PLEKHO2: variants seen among roughly 807,000 people sequenced by gnomAD.
The protein encoded by PLEKHO2 is pleckstrin homology domain-containing family O member 2.
In PLEKHO2, 20 loss-of-function variants were observed where a neutral mutation model predicts 32.7. The observed-to-expected ratio is 0.61, with a 90% CI of 0.43 to 0.89. PLEKHO2 has a LOEUF of 0.89. PLEKHO2 is among the 40% of genes least tolerant of loss of function. The pLI is 0.00. For synonymous variants in PLEKHO2, 247 were observed against 246.3 expected (o/e 1.00, Z -0.03); for missense variants, 568 against 621.2 (o/e 0.91, Z 0.91).
intron 1 of PLEKHO2, among the ~76,000 whole-genome samples, chr15:64,847,751 CAG>C (rs1270197781): frequency 2.6e-5 from 4 of 152,204 alleles, no homozygotes; most frequent in African/African-American, 9.6e-5. Context: ...TGGTCAAAGA[CAG>C]AGTCCTTGGA....
rs1407043227 is a variant in PLEKHO2 at position 64,866,365 on chromosome 15, C to T, written c.*477C>T. On this transcript the variant is annotated 3_prime_UTR_variant, in exon 6 of 6. Transcript: ENST00000323544. ...GGCTAAGGCAGCCTCAAAGCCAGCC[C>T]CTCCTCCCACCTATTCTGAGTAGCT... 4.4e-6 allele frequency: 2 copies of T among 456,678 alleles called. No homozygotes were observed. The highest frequency in any genetic ancestry group is 8.8e-6 in the Non-Finnish European group (2 of 227,334). The allele number at this position is 456,678 out of a possible 1,614,324, so 28.3% of individuals were successfully genotyped here.
In PLEKHO2 at chr15:64,866,026, A is replaced by G. The variant is rs989029911; in HGVS notation, c.*138A>G. The G allele has an allele frequency of 1.8e-6, 2 of 1,121,612 alleles. No homozygotes were observed. Among genetic ancestry groups the G allele is most frequent in the African/African-American group, 1.6e-5 (1 of 63,554 alleles). The allele number at this position is 1,121,612 out of a possible 1,614,324, so 69.5% of individuals were successfully genotyped here. A position where few individuals can be genotyped will look rare whatever the true frequency, so the allele number is the denominator to read the frequency against. ...TTGGGCATGTCAGGGTTTGGCCATGACCCGAAGAGACTCCTGGCGTCCTTC... is the reference window on the plus strand; with the variant it reads ...TTGGGCATGTCAGGGTTTGGCCATGGCCCGAAGAGACTCCTGGCGTCCTTC... On this transcript the variant is annotated 3_prime_UTR_variant, in exon 6 of 6. Coordinates refer to ENST00000323544, the MANE Select transcript of PLEKHO2 (RefSeq NM_025201.5).
chr15:64,848,829 G>T, intron 2 of PLEKHO2, 87 bp downstream of exon 2: 2 of 1,538,454 alleles, frequency 1.3e-6, no homozygotes, highest in Non-Finnish European at 1.8e-6. Flanking sequence ...CCCTGGGTCT[G>T]GGGCCAGAAG....
chr15:64,855,148 C>T (rs970844316), intron 3 of PLEKHO2, 111 bp downstream of exon 3: 7 of 808,964 alleles, frequency 8.7e-6, no homozygotes, highest in East Asian at 2.7e-5. Flanking sequence ...TTTTCCGTTG[C>T]GTGTGGCTGA....
At chr15:64,862,114 C>T (rs1360826824) in intron 5 of PLEKHO2, among the ~76,000 whole-genome samples, 3 of 151,834 alleles carry the variant, frequency 2.0e-5, no homozygotes, top group African/African-American at 4.8e-5. Flanking sequence ...TTGAGGTATG[C>T]GGAGCAGCTC....
chr15:64,862,096 G>A (rs141882660), intron 5 of PLEKHO2, among the ~76,000 whole-genome samples: 26 of 152,230 alleles, frequency 1.7e-4, no homozygotes, highest in Non-Finnish European at 3.4e-4. Context: ...GAGGCACAGC[G>A]GGAGGGTTTG....
At chr15:64,844,945 C>T (rs918466476) in intron 1 of PLEKHO2, among the ~76,000 whole-genome samples, 34 of 152,212 alleles carry the variant, frequency 2.2e-4, no homozygotes, top group Non-Finnish European at 1.3e-4. Flanking sequence ...TCTTATACAG[C>T]GTCTCTGTTA....
intron 1 of PLEKHO2, among the ~76,000 whole-genome samples, chr15:64,845,504 A>G (rs2084515737): frequency 6.6e-6 from 1 of 151,446 alleles, no homozygotes. Context: ...TCTGAGGGGC[A>G]GGGAAGGGGG....
chr15:64,863,885 A>G (rs2084663208), intron 5 of PLEKHO2, among the ~76,000 whole-genome samples: 1 of 148,272 alleles, frequency 6.7e-6, no homozygotes, highest in Admixed American at 6.7e-5. Context: ...CTGGGATTAC[A>G]GGCATGTGCC....
intron 1 of PLEKHO2, 32 bp downstream of exon 1, chr15:64,842,060 G>T (rs2084487892): frequency 1.2e-5 from 15 of 1,235,048 alleles, no homozygotes; most frequent in Non-Finnish European, 1.3e-5. Flanking sequence ...GCGTTGGGCT[G>T]GGGTCCTCGA....
chr15:64,856,463 T>G (rs1258858814), intron 3 of PLEKHO2, among the ~76,000 whole-genome samples: 1 of 152,132 alleles, frequency 6.6e-6, no homozygotes, highest in East Asian at 1.9e-4. Context: ...TGCTGTTCTG[T>G]GGGCCATCTC....
intron 2 of PLEKHO2, among the ~76,000 whole-genome samples, chr15:64,854,536 A>G (rs1329430612): frequency 6.6e-6 from 1 of 152,152 alleles, no homozygotes; most frequent in Non-Finnish European, 1.5e-5. Context: ...CCTGCCTGCC[A>G]TTTTGTGGCA....
chr15:64,858,250 A>G (rs1176789876), intron 3 of PLEKHO2, among the ~76,000 whole-genome samples: 1 of 152,164 alleles, frequency 6.6e-6, no homozygotes, highest in Non-Finnish European at 1.5e-5. Flanking sequence ...TGTGCCTGGC[A>G]TGGTGGGGGT....
At chr15:64,861,833 G>A (rs1481137035) in intron 5 of PLEKHO2, among the ~76,000 whole-genome samples, 1 of 152,166 alleles carries the variant, frequency 6.6e-6, no homozygotes, top group African/African-American at 2.4e-5. Flanking sequence ...GGTGCCAGAG[G>A]GAAACTGAAG....
intron 2 of PLEKHO2, 45 bp from the exon 3 acceptor site, chr15:64,854,876 G>T: frequency 6.8e-7 from 1 of 1,463,210 alleles, no homozygotes; most frequent in Non-Finnish European, 9.6e-7. Flanking sequence ...GGTGGTGGTG[G>T]GTCTGACTGT....
At chr15:64,858,892 C>T (rs1289045295) in intron 3 of PLEKHO2, among the ~76,000 whole-genome samples, 1 of 152,174 alleles carries the variant, frequency 6.6e-6, no homozygotes, top group Non-Finnish European at 1.5e-5. Context: ...TCGTGTAAAA[C>T]TAAAACTCTA....
At chr15:64,857,549 G>A (rs1056570073) in intron 3 of PLEKHO2, among the ~76,000 whole-genome samples, 1 of 152,136 alleles carries the variant, frequency 6.6e-6, no homozygotes. Flanking sequence ...TGCCCAGGCT[G>A]GTAACTTCTT....
intron 5 of PLEKHO2, among the ~76,000 whole-genome samples, chr15:64,862,115 G>A (rs977214259): frequency 1.3e-5 from 2 of 152,124 alleles, no homozygotes; most frequent in African/African-American, 2.4e-5. Flanking sequence ...TGAGGTATGC[G>A]GAGCAGCTCC....
chr15:64,865,114 T>C lies in PLEKHO2; in HGVS notation c.699T>C (p.Pro233=). ...ETPVGERAPT[P]VSASSEVSPE... ...CTGTGGGGGAGAGAGCCCCAACCCC[T>C]GTCTCAGCAAGCTCTGAGGTCTCCC... The change falls in exon 6 of 6, where the codon CCT becomes CCC. Residue 233 remains proline (P), a synonymous_variant. Transcript: ENST00000323544. 1 of 1,614,076 alleles carries C rather than the reference T, an allele frequency of 6.2e-7. No homozygotes were observed. The highest frequency in any genetic ancestry group is 8.5e-7 in the Non-Finnish European group (1 of 1,179,988).
Sources: gnomAD v4.1 joint callset for allele counts (sites outside exome capture counted in the v4.1 genomes callset) on GRCh38, gnomAD v4.1.1 for gene constraint, MANE v1.5 for transcripts, NCBI Gene and HGNC (gene_info 2026-07-23, HGNC 2026-07-21) for gene names.